Variants in FHIT observed in about 807,000 individuals in gnomAD.
FHIT encodes the protein bis(5'-adenosyl)-triphosphatase.
A neutral mutation model predicts 17.9 loss-of-function variants in FHIT; 19 were observed. The ratio of observed to expected loss-of-function variants is 1.06; its 90% confidence interval spans 0.74 to 1.56. The LOEUF (loss-of-function observed/expected upper bound fraction) is 1.56, where lower values mean the gene tolerates loss of function less well. FHIT is among the 40% of genes most tolerant of loss of function. The probability of loss-of-function intolerance (pLI) is 0.00; values close to 1 mark genes in which losing one functional copy is unlikely to be tolerated. For synonymous variants in FHIT, 81 were observed against 69.7 expected (o/e 1.16, Z -0.81); for missense variants, 248 against 189.2 (o/e 1.31, Z -1.82).
chr3:61,233,927 G>C (rs2040166721), intron 1 of FHIT, among the ~76,000 whole-genome samples: 1 of 152,170 alleles, frequency 6.6e-6, no homozygotes, highest in Non-Finnish European at 1.5e-5. Context: ...ACCATTTCTA[G>C]ACTTCTTTTT....
intron 5 of FHIT, among the ~76,000 whole-genome samples, chr3:60,068,781 G>A (rs1702630754): frequency 6.6e-6 from 1 of 152,086 alleles, no homozygotes; most frequent in Admixed American, 6.6e-5. Flanking sequence ...AGTAAAACAG[G>A]CAAAGAAGAA....
At chr3:61,241,158 T>A (rs1312227203) in intron 1 of FHIT, among the ~76,000 whole-genome samples, 2 of 152,218 alleles carry the variant, frequency 1.3e-5, no homozygotes, top group Non-Finnish European at 2.9e-5. Flanking sequence ...GCATTTGTTT[T>A]ACCTCCCTCT....
At chr3:60,751,514 A>G (rs2042466268) in intron 4 of FHIT, among the ~76,000 whole-genome samples, 1 of 152,260 alleles carries the variant, frequency 6.6e-6, no homozygotes, top group Admixed American at 6.5e-5. Flanking sequence ...AAGAAATAGG[A>G]ATGCCAATGA....
intron 8 of FHIT, among the ~76,000 whole-genome samples, chr3:59,848,745 C>T (rs1311997196): frequency 6.6e-6 from 1 of 152,144 alleles, no homozygotes; most frequent in Non-Finnish European, 1.5e-5. Flanking sequence ...TCTGAGGAAC[C>T]TTTCCAAATA....
rs144491852 is a variant in FHIT at position 60,925,263 on chromosome 3, T to G, written c.-110-103252A>C. Among the ~76,000 whole-genome samples the G allele has an allele frequency of 3.9e-4, 60 of 152,230 alleles. 1 individual carries two copies. The highest frequency in any genetic ancestry group is 1.3e-3 in the African/African-American group (56 of 41,532). On this transcript the variant is annotated intron_variant, in intron 3 of 9. Coordinates refer to ENST00000492590, the MANE Select transcript of FHIT (RefSeq NM_002012.4). ...ACTCCAAGACACATAATTGTCAGAT[T>G]CAACAAAGTTGAAATGAAGGAAAAA... is the stretch of plus-strand genomic sequence containing the variant.
chr3:61,136,248 C>T (rs369010002), intron 2 of FHIT, among the ~76,000 whole-genome samples: 3 of 151,976 alleles, frequency 2.0e-5, no homozygotes, highest in East Asian at 1.9e-4. Flanking sequence ...CCGACCCACC[C>T]GCCACTCCCA....
chr3:60,483,800 T>C (rs773699132), intron 5 of FHIT, among the ~76,000 whole-genome samples: 6 of 152,074 alleles, frequency 3.9e-5, no homozygotes, highest in African/African-American at 7.2e-5. Context: ...CCACTCCTAT[T>C]CAACATAGTA....
At chr3:60,053,242 C>T (rs953919295) in intron 5 of FHIT, among the ~76,000 whole-genome samples, 5 of 151,608 alleles carry the variant, frequency 3.3e-5, no homozygotes, top group Admixed American at 1.3e-4. Flanking sequence ...CTAAAGTAGG[C>T]TATCCCAATT....
At chr3:60,919,150 T>C (rs561121368) in intron 3 of FHIT, among the ~76,000 whole-genome samples, 1 of 152,282 alleles carries the variant, frequency 6.6e-6, no homozygotes, top group Non-Finnish European at 1.5e-5. Context: ...GGGGGCCTCA[T>C]GTCAGGCTAA....
chr3:59,991,707 A>T (rs1401566650), intron 7 of FHIT, among the ~76,000 whole-genome samples: 1 of 151,970 alleles, frequency 6.6e-6, no homozygotes, highest in Non-Finnish European at 1.5e-5. Flanking sequence ...GAATCTTTTT[A>T]TGCTCAGACC....
At chr3:60,662,392 C>A (rs114032882) in intron 4 of FHIT, among the ~76,000 whole-genome samples, 2 of 152,032 alleles carry the variant, frequency 1.3e-5, no homozygotes, top group Non-Finnish European at 2.9e-5. Context: ...CTGCTCCATT[C>A]GTCTCCGTGC....
chr3:60,199,553 G>A (rs1272611500), intron 5 of FHIT, among the ~76,000 whole-genome samples: 2 of 152,126 alleles, frequency 1.3e-5, no homozygotes, highest in African/African-American at 4.8e-5. Flanking sequence ...GTGGGAAAAT[G>A]AAGAGGGGTA....
At chr3:60,409,789 AT>A (rs1701998990) in intron 5 of FHIT, among the ~76,000 whole-genome samples, 1 of 152,174 alleles carries the variant, frequency 6.6e-6, no homozygotes, top group Non-Finnish European at 1.5e-5. Flanking sequence ...CAACAATGCA[AT>A]TCATTCAGCA....
intron 5 of FHIT, among the ~76,000 whole-genome samples, chr3:60,192,583 C>T (rs1362019802): frequency 6.6e-6 from 1 of 152,192 alleles, no homozygotes; most frequent in Non-Finnish European, 1.5e-5. Context: ...ATGCTCTCTA[C>T]AGGGCATTCA....
chr3:60,455,866 G>A lies in FHIT; in HGVS notation c.103+80994C>T, dbSNP rs535595576. Among the ~76,000 whole-genome samples the A allele has an allele frequency of 2.2e-4, 34 of 151,974 alleles. No individual in the cohort carries two copies. In the South Asian group the frequency reaches 4.8e-3, roughly 21 times the overall value. On this transcript the variant is annotated intron_variant, in intron 5 of 9. Coordinates refer to ENST00000492590, the MANE Select transcript of FHIT (RefSeq NM_002012.4). ...CTGCTTTCAGAGAAATTCATCAAGA[G>A]GAAAAAAATACATAATTTTAAGAAG...
intron 7 of FHIT, among the ~76,000 whole-genome samples, chr3:60,003,177 T>A (rs1699793052): frequency 6.6e-6 from 1 of 152,116 alleles, no homozygotes; most frequent in East Asian, 1.9e-4. Context: ...GCCGAAACCC[T>A]CAGGTACAAT....
intron 2 of FHIT, among the ~76,000 whole-genome samples, chr3:61,082,776 A>G (rs1408699709): frequency 6.6e-6 from 1 of 152,210 alleles, no homozygotes; most frequent in South Asian, 2.1e-4. Context: ...ATAACTAATT[A>G]TGATAAGAGC....
At chr3:60,178,458 C>T (rs185519124) in intron 5 of FHIT, among the ~76,000 whole-genome samples, 129 of 152,082 alleles carry the variant, frequency 8.5e-4, no homozygotes, top group African/African-American at 3.1e-3. Flanking sequence ...TTGTGGCGCA[C>T]ACCTGTAGTC....
At chr3:60,552,133 A>G (rs1354170537) in intron 4 of FHIT, among the ~76,000 whole-genome samples, 1 of 152,140 alleles carries the variant, frequency 6.6e-6, no homozygotes, top group Non-Finnish European at 1.5e-5. Flanking sequence ...CATGTGTTCA[A>G]GATTCATCCA....
Sources: allele counts gnomAD v4.1 joint callset (sites outside exome capture counted in the v4.1 genomes callset), GRCh38; gene constraint gnomAD v4.1.1; transcripts MANE v1.5; gene names NCBI Gene and HGNC (gene_info 2026-07-23, HGNC 2026-07-21).